HERC6: variants seen among roughly 807,000 people sequenced by gnomAD.
The protein encoded by HERC6 is HECT and RLD domain containing E3 ubiquitin protein ligase family member 6.
A neutral mutation model predicts 114.5 loss-of-function variants in HERC6; 101 were observed. That is an observed-to-expected ratio of 0.88 (90% CI 0.75 to 1.04). HERC6 has a LOEUF of 1.04. Ranked by LOEUF, HERC6 falls within the 50% of genes least tolerant of loss-of-function variation. The probability of loss-of-function intolerance (pLI) is 0.00; values close to 1 mark genes in which losing one functional copy is unlikely to be tolerated. For missense variants in HERC6, 1,133 were observed against 1,230.9 expected (o/e 0.92, Z 1.19); for synonymous variants, 408 against 436.2 (o/e 0.94, Z 0.81).
chr4:88,425,632 T>G (rs1297292406), intron 15 of HERC6, among the ~76,000 whole-genome samples: 3 of 152,238 alleles, frequency 2.0e-5, no homozygotes, highest in Non-Finnish European at 4.4e-5. Flanking sequence ...GAGTTTATTT[T>G]GTTTTCCACT....
chr4:88,385,865 T>C (rs1019572270), intron 3 of HERC6, among the ~76,000 whole-genome samples: 4 of 152,220 alleles, frequency 2.6e-5, no homozygotes, highest in African/African-American at 9.6e-5. Flanking sequence ...CTCTTTATGC[T>C]GAATGGCCTG....
rs1739446463 is a variant in HERC6, at chr4:88,442,544, T to C, written c.*84T>C. 9.9e-7 allele frequency: 1 copy of C among 1,008,428 alleles called. No individual in the cohort carries two copies. Among genetic ancestry groups the C allele is most frequent in the Non-Finnish European group, 1.5e-6 (1 of 662,196 alleles). The allele number at this position is 1,008,428 out of a possible 1,614,324, so 62.5% of individuals were successfully genotyped here. A position where few individuals can be genotyped will look rare whatever the true frequency, so the allele number is the denominator to read the frequency against. ...ACACCTAAATAATACAAGAGATTAA[T>C]GAATAGTGGTTAGAAGTAGTTGAGG... On this transcript the variant is annotated 3_prime_UTR_variant, in exon 23 of 23. Transcript: ENST00000264346.
intron 15 of HERC6, among the ~76,000 whole-genome samples, chr4:88,425,493 A>G (rs780481879): frequency 2.0e-5 from 3 of 152,000 alleles, no homozygotes; most frequent in African/African-American, 4.8e-5. Context: ...CCTCTATCCA[A>G]TTTTAATTGC....
rs767469192 is a variant in HERC6 at position 88,404,942 on chromosome 4, G to A, written c.1159G>A (p.Ala387Thr). ...PEISRISQSM[A>T]EKWIAVKRRS... is the part of the protein sequence containing the mutation. ...AATAAGCCGAATTAGCCAGTCCATG[G>A]CAGAAAAATGGATAGCAGTGAAAAG... The change falls in exon 9 of 23, where the codon GCA (alanine) becomes ACA (threonine). Residue 387 changes from alanine to threonine, a missense_variant. Coordinates refer to ENST00000264346, the MANE Select transcript of HERC6 (RefSeq NM_017912.4). 5 of 1,613,782 alleles carry A rather than the reference G, an allele frequency of 3.1e-6. No homozygotes were observed. The highest frequency in any genetic ancestry group is 4.2e-6 in the Non-Finnish European group (5 of 1,179,758).
At chr4:88,390,467 C>T (rs368374678) in intron 3 of HERC6, among the ~76,000 whole-genome samples, 185 bp from the exon 4 acceptor site, 7 of 152,096 alleles carry the variant, frequency 4.6e-5, no homozygotes, top group South Asian at 2.1e-4. Context: ...TAGCTGATTG[C>T]GACAATCATT....
intron 3 of HERC6, among the ~76,000 whole-genome samples, chr4:88,389,096 G>A (rs975956718): frequency 6.6e-6 from 1 of 152,160 alleles, no homozygotes; most frequent in African/African-American, 2.4e-5. Context: ...GAAACCAAAT[G>A]AAAAGGGAGG....
At chr4:88,421,037 C>T (rs1438935006) in intron 13 of HERC6, among the ~76,000 whole-genome samples, 1 of 152,190 alleles carries the variant, frequency 6.6e-6, no homozygotes, top group Non-Finnish European at 1.5e-5. Context: ...TGGAATCACA[C>T]ATTATGTAGT....
At chr4:88,407,921 A>G (rs113567604) in intron 10 of HERC6, among the ~76,000 whole-genome samples, 1 of 152,124 alleles carries the variant, frequency 6.6e-6, no homozygotes, top group African/African-American at 2.4e-5. Context: ...TATGAGAGGG[A>G]AGGCTGGAGG....
chr4:88,404,246 G>A (rs1735697408), intron 8 of HERC6, among the ~76,000 whole-genome samples: 1 of 149,352 alleles, frequency 6.7e-6, no homozygotes, highest in Non-Finnish European at 1.5e-5. Context: ...AGGCTGGAGT[G>A]CAATGGTATG....
Position 88,378,921 on chromosome 4 carries a change from G to A in HERC6, c.-1G>A. ...AGCAGGCGACAGGGCGCAGAAGCGG[G>A]ATGTACTTCTGTTGGGGCGCCGACT... On this transcript the variant is annotated 5_prime_UTR_variant, in exon 1 of 23. Transcript: ENST00000264346. 6.3e-7 allele frequency: 1 copy of A among 1,589,290 alleles called. No individual in the cohort carries two copies. Among genetic ancestry groups the A allele is most frequent in the Non-Finnish European group, 8.6e-7 (1 of 1,168,494 alleles).
intron 13 of HERC6, among the ~76,000 whole-genome samples, chr4:88,421,598 C>T (rs796692008): frequency 6.6e-5 from 10 of 152,138 alleles, no homozygotes; most frequent in African/African-American, 2.2e-4. Flanking sequence ...CAGGTGTACA[C>T]CCCATGCCTG....
At chr4:88,424,969 C>T (rs1737451873) in intron 15 of HERC6, among the ~76,000 whole-genome samples, 1 of 152,186 alleles carries the variant, frequency 6.6e-6, no homozygotes, top group African/African-American at 2.4e-5. Context: ...ATGAGTGGTT[C>T]AAGTGGCAAC....
At position 88,428,756 on chromosome 4, in the gene HERC6, G is replaced by A; in HGVS notation, c.2106+6G>A. Reference sequence around the variant, plus strand: ...ACTTCTGCAAAGTATTAGTGGTACAGTAAAAAGTCTCATTGAACATTTTTA... The same window carrying A: ...ACTTCTGCAAAGTATTAGTGGTACAATAAAAAGTCTCATTGAACATTTTTA... On this transcript the variant is annotated splice_donor_region_variant and intron_variant, in intron 16 of 22. Transcript: ENST00000264346. 6.6e-7 allele frequency: 1 copy of A among 1,507,052 alleles called. No individual in the cohort carries two copies. Among genetic ancestry groups the A allele is most frequent in the East Asian group, 2.4e-5 (1 of 41,442 alleles). 93.4% of individuals were successfully genotyped at this position (1,507,052 alleles called of 1,614,324 possible).
At chr4:88,405,641 T>C (rs1229716496) in intron 10 of HERC6, 28 bp downstream of exon 10, 3 of 1,167,736 alleles carry the variant, frequency 2.6e-6, no homozygotes, top group Non-Finnish European at 3.6e-6. Context: ...TTTACCTTCA[T>C]TTAAAACACT....
chr4:88,438,236 A>G (rs1738969688), intron 20 of HERC6, among the ~76,000 whole-genome samples: 3 of 152,072 alleles, frequency 2.0e-5, no homozygotes, highest in Admixed American at 6.5e-5. Context: ...GAAAGAATTC[A>G]GGGTTCAATA....
rs377675591 is a variant in HERC6 at position 88,389,100 on chromosome 4, A to G, written c.437-1552A>G. ...ACATATGAGCAGAAACCAAATGAAAAGGGAGGGAGAGATAGGATGCTAACC... is the reference window on the plus strand; with the variant it reads ...ACATATGAGCAGAAACCAAATGAAAGGGGAGGGAGAGATAGGATGCTAACC... On this transcript the variant is annotated intron_variant, in intron 3 of 22. Transcript: ENST00000264346. Among the ~76,000 whole-genome samples the G allele has an allele frequency of 2.9e-4, 44 of 152,278 alleles. No individual in the cohort carries two copies. In the East Asian group the frequency reaches 4.6e-3, roughly 16 times the overall value.
At chr4:88,408,487 A>T in intron 10 of HERC6, 37 bp from the exon 11 acceptor site, 1 of 1,258,810 alleles carries the variant, frequency 7.9e-7, no homozygotes, top group Non-Finnish European at 1.1e-6. Flanking sequence ...CCCTTTCCTT[A>T]TGTTTATGTG....
chr4:88,439,395 A>AAAGGGAAGGGAAAGGGAAAGGG (rs1441936449), intron 20 of HERC6, among the ~76,000 whole-genome samples: 1 of 151,832 alleles, frequency 6.6e-6, no homozygotes, highest in Admixed American at 6.6e-5. Flanking sequence ...GAAAGAAAGA[A>AAAGGGAAGGGAAAGGGAAAGGG]AAGGGAAGGG....
At chr4:88,421,629 A>G (rs1737077278) in intron 13 of HERC6, among the ~76,000 whole-genome samples, 1 of 151,910 alleles carries the variant, frequency 6.6e-6, no homozygotes, top group Non-Finnish European at 1.5e-5. Flanking sequence ...GTATTTTTGT[A>G]GAGACTGGGT....
Sources: allele counts gnomAD v4.1 joint callset (sites outside exome capture counted in the v4.1 genomes callset), GRCh38; gene constraint gnomAD v4.1.1; transcripts MANE v1.5; gene names NCBI Gene and HGNC (gene_info 2026-07-23, HGNC 2026-07-21).